Variants in MAFK observed in about 807,000 individuals in gnomAD.
The protein encoded by MAFK is transcription factor MafK.
In MAFK, 1 loss-of-function variant was observed where a neutral mutation model predicts 9.2. The ratio of observed to expected loss-of-function variants is 0.11; its 90% CI spans 0.04 to 0.52. MAFK has a LOEUF of 0.52. MAFK is among the 20% of genes least tolerant of loss of function. The pLI, the probability that MAFK is intolerant of heterozygous loss-of-function variation, is 0.94. For synonymous variants in MAFK, 110 were observed against 107.4 expected (o/e 1.02, Z -0.15); for missense variants, 207 against 236.0 (o/e 0.88, Z 0.81).
intron 1 of MAFK, chr7:1,537,402 G>C (rs1386922357): frequency 1.0e-6 from 1 of 985,508 alleles, no homozygotes; most frequent in Non-Finnish European, 1.2e-6. Context: ...GTGCACTGAC[G>C]TGCTCGCAGT....
At chr7:1,536,776 C>A (rs898853321) in intron 1 of MAFK, among the ~76,000 whole-genome samples, 4 of 152,244 alleles carry the variant, frequency 2.6e-5, no homozygotes, top group African/African-American at 7.2e-5. Flanking sequence ...CCATCCCATC[C>A]CGTGCTGGGT....
At chr7:1,536,579 C>T (rs1784036724) in intron 1 of MAFK, among the ~76,000 whole-genome samples, 2 of 152,184 alleles carry the variant, frequency 1.3e-5, no homozygotes, top group Non-Finnish European at 2.9e-5. Context: ...TCACAAAACC[C>T]CATTTAGGGC....
In MAFK at chr7:1,534,178, C is replaced by T. The variant is rs751233422; in HGVS notation, c.-45+3280C>T. 2.0e-5 allele frequency: 9 copies of T among 450,854 alleles called. 1 individual carries two copies. The highest frequency in any genetic ancestry group is 1.4e-4 in the South Asian group (9 of 64,378). The allele number at this position is 450,854 out of a possible 1,614,324, so 27.9% of individuals were successfully genotyped here. The stretch of plus-strand genomic sequence containing the variant: ...TGCCAAGTGGGGTGCCTCCCGCATG[C>T]TTAGTGGGGCTGTGTCCGGGACAGC... On this transcript the variant is annotated intron_variant, in intron 1 of 2. Transcript: ENST00000343242. This position sits in a 1 kb window ranked among gnomAD's most constrained non-coding sequence, Gnocchi z 4.3.
intron 2 of MAFK, among the ~76,000 whole-genome samples, chr7:1,539,525 G>T (rs912416350): frequency 1.4e-4 from 9 of 64,344 alleles, no homozygotes; most frequent in Non-Finnish European, 2.1e-4. Flanking sequence ...GGCTCCAGGC[G>T]TGGGCAGCGT....
Position 1,539,959 on chromosome 7 carries a change from G to A in MAFK, c.55G>A (p.Glu19Lys), listed in dbSNP as rs904320344. 15 of 1,538,096 alleles carry A rather than the reference G, an allele frequency of 9.8e-6. No homozygotes were observed. Among genetic ancestry groups the A allele is most frequent in the Admixed American group, 2.0e-5 (1 of 50,370 alleles). The change falls in exon 3 of 3, where the codon GAG becomes AAG. Residue 19 changes from glutamate (E) to lysine (K), a missense_variant. Coordinates refer to ENST00000343242, the MANE Select transcript of MAFK (RefSeq NM_002360.4). ...KALKVKKEAGENAPVLSDDEL... is the reference protein window; with the variant it reads ...KALKVKKEAGKNAPVLSDDEL... ...CCCCCAGGTCAAGAAGGAGGCGGGCGAGAACGCCCCGGTGCTCAGCGATGA... is the reference window on the plus strand; with the variant it reads ...CCCCCAGGTCAAGAAGGAGGCGGGCAAGAACGCCCCGGTGCTCAGCGATGA...
intron 1 of MAFK, among the ~76,000 whole-genome samples, chr7:1,535,234 C>T (rs779348305): frequency 5.4e-4 from 82 of 152,106 alleles, no homozygotes; most frequent in Non-Finnish European, 9.0e-4. Flanking sequence ...AGAAAATGTT[C>T]CCTCCTGGAC....
rs923123481 is a variant in MAFK, at chr7:1,541,163, G to C, written c.*788G>C. On this transcript the variant is annotated 3_prime_UTR_variant, in exon 3 of 3. Transcript: ENST00000343242. ...TGTGCTCTGGTGACCCGAGGAGGTC[G>C]TGCAGCACAGCGCAGAAGCCCCTGC... 1 of 152,764 alleles carries C rather than the reference G, an allele frequency of 6.5e-6. No individual in the cohort carries two copies. Among genetic ancestry groups the C allele is most frequent in the Non-Finnish European group, 1.5e-5 (1 of 68,164 alleles). 9.5% of individuals were successfully genotyped at this position (152,764 alleles called of 1,614,324 possible). A position where few individuals can be genotyped will look rare whatever the true frequency, so the allele number is the denominator to read the frequency against.
At chr7:1,536,005 T>G (rs1021695697) in intron 1 of MAFK, among the ~76,000 whole-genome samples, 27 of 152,364 alleles carry the variant, frequency 1.8e-4, no homozygotes, top group African/African-American at 6.0e-4. Flanking sequence ...TGTTTAGTTC[T>G]GCGTCACGTC....
At position 1,532,726 on chromosome 7, in the gene MAFK, C is replaced by T. The variant is rs940409840; in HGVS notation, c.-45+1828C>T. Among the ~76,000 whole-genome samples the T allele has an allele frequency of 5.9e-5, 9 of 152,160 alleles. No homozygotes were observed. Among genetic ancestry groups the T allele is most frequent in the African/African-American group, 1.2e-4 (5 of 41,432 alleles). ...CACCCACGGGGCTCAGCGATGGCTG[C>T]GTTTGTTTACAGTCTCTGGCAAAGC... On this transcript the variant is annotated intron_variant, in intron 1 of 2. Coordinates refer to ENST00000343242, the MANE Select transcript of MAFK (RefSeq NM_002360.4). This position sits in a 1 kb window ranked among gnomAD's most constrained non-coding sequence, Gnocchi z 4.5.
At position 1,534,711 on chromosome 7, in the gene MAFK, G is replaced by A. The variant is rs997649282; in HGVS notation, c.-45+3813G>A. 5 of 450,318 alleles carry A rather than the reference G, an allele frequency of 1.1e-5. No individual in the cohort carries two copies. Among genetic ancestry groups the A allele is most frequent in the African/African-American group, 1.0e-4 (5 of 49,894 alleles). 27.9% of individuals were successfully genotyped at this position (450,318 alleles called of 1,614,324 possible). ...AGTCTGTGTCATCATTCACCCCTTG[G>A]GCAAGAACAAGTGACCCATCCAGAG... is the stretch of plus-strand genomic sequence containing the variant. On this transcript the variant is annotated intron_variant, in intron 1 of 2. Transcript: ENST00000343242. This position sits in a 1 kb window ranked among gnomAD's most constrained non-coding sequence, Gnocchi z 4.3.
chr7:1,534,779 T>C lies in MAFK; in HGVS notation c.-45+3881T>C, dbSNP rs1783988315. The C allele has an allele frequency of 2.6e-6, 1 of 380,174 alleles. No individual in the cohort carries two copies. Among genetic ancestry groups the C allele is most frequent in the South Asian group, 1.9e-5 (1 of 53,770 alleles). 23.6% of individuals were successfully genotyped at this position (380,174 alleles called of 1,614,324 possible). A position where few individuals can be genotyped will look rare whatever the true frequency, so the allele number is the denominator to read the frequency against. ...TAGAGCGAGCGGCAGCCCCGATGCG[T>C]CCTCTCATCTGGGAAGAATCAGAGC... On this transcript the variant is annotated intron_variant, in intron 1 of 2. Transcript: ENST00000343242. This position sits in a 1 kb window ranked among gnomAD's most constrained non-coding sequence, Gnocchi z 4.3.
intron 1 of MAFK, chr7:1,537,364 C>G (rs1231087160): frequency 1.0e-6 from 1 of 985,170 alleles, no homozygotes; most frequent in African/African-American, 1.7e-5. Context: ...TCTGGTGACT[C>G]ACCGCATAGC....
chr7:1,539,805 C>T (rs1021386963), intron 2 of MAFK, 136 bp from the exon 3 acceptor site: 19 of 720,498 alleles, frequency 2.6e-5, no homozygotes, highest in Non-Finnish European at 4.3e-5. Flanking sequence ...CCTGTGGTCC[C>T]TGGTGCGGAT....
rs143840628 is a variant in MAFK, at chr7:1,540,265, G to A, written c.361G>A (p.Val121Met). 167 of 1,610,956 alleles carry A rather than the reference G, an allele frequency of 1.0e-4. No homozygotes were observed. The highest frequency in any genetic ancestry group is 1.2e-4 in the Non-Finnish European group (147 of 1,179,206). The change falls in exon 3 of 3, where the codon GTG becomes ATG. Residue 121 changes from valine (V) to methionine (M), a missense_variant. Transcript: ENST00000343242. ...GGCGCTGCAGACCTTCGCGCGCACC[G>A]TGGCCCGGGGACCTGTGGCGCCCTC... Reference protein sequence around the residue: ...YEALQTFARTVARGPVAPSKV... With the variant: ...YEALQTFARTMARGPVAPSKV...
At chr7:1,536,361 G>C (rs1023248900) in intron 1 of MAFK, among the ~76,000 whole-genome samples, 1 of 152,210 alleles carries the variant, frequency 6.6e-6, no homozygotes, top group Non-Finnish European at 1.5e-5. Flanking sequence ...TTCCTCGGGG[G>C]CTGCTGGAGG....
chr7:1,538,184 A>T (rs1399073984), intron 1 of MAFK: 3 of 804,282 alleles, frequency 3.7e-6, no homozygotes, highest in Admixed American at 1.2e-4. Context: ...CGGAGGGCTC[A>T]TGCCGGGGAT....
chr7:1,537,205 G>A (rs530768971), intron 1 of MAFK, among the ~76,000 whole-genome samples: 58 of 152,362 alleles, frequency 3.8e-4, no homozygotes, highest in African/African-American at 9.9e-4. Flanking sequence ...ACACGTCACC[G>A]TGGGTCTGGC....
In MAFK at chr7:1,540,146, G is replaced by A. The variant is rs1257109666; in HGVS notation, c.242G>A (p.Arg81Gln). The change falls in exon 3 of 3, where the codon CGG (arginine) becomes CAG (glutamine). Residue 81 changes from arginine to glutamine, a missense_variant. By Grantham distance (43) the Arg-to-Gln change is conservative. Transcript: ENST00000343242. ...GTGACGCAGAAGGAGGAGCTGGAGC[G>A]GCAGCGCGTGGAGCTGCAGCAGGAG... ...KRVTQKEELE[R>Q]QRVELQQEVE... is the part of the protein sequence containing the mutation. 1.3e-6 allele frequency: 2 copies of A among 1,569,676 alleles called. No homozygotes were observed. The highest frequency in any genetic ancestry group is 1.7e-6 in the Non-Finnish European group (2 of 1,157,744).
chr7:1,533,237 G>C (rs1457727428), intron 1 of MAFK, among the ~76,000 whole-genome samples: 2 of 152,216 alleles, frequency 1.3e-5, no homozygotes, highest in Non-Finnish European at 2.9e-5. Context: ...TGCGTCGGGT[G>C]TCCTGGGGAA....
Sources: gnomAD v4.1 joint callset for allele counts (sites outside exome capture counted in the v4.1 genomes callset) on GRCh38, gnomAD v4.1.1 for gene constraint, Gnocchi (gnomAD v3.1) non-coding constraint, MANE v1.5 for transcripts, NCBI Gene and HGNC (gene_info 2026-07-23, HGNC 2026-07-21) for gene names.